ZNF549: variants seen among roughly 807,000 people sequenced by gnomAD.
ZNF549 encodes the protein zinc finger protein 549.
Under a neutral mutation model 11.1 loss-of-function variants are expected in ZNF549, and 11 were observed. The observed-to-expected ratio is 0.99, with a 90% CI of 0.62 to 1.64. ZNF549 has a LOEUF of 1.64. Ranked by LOEUF, ZNF549 falls within the 40% of genes most tolerant of loss-of-function variation. ZNF549 has a pLI of 0.00. For missense variants in ZNF549, 748 were observed against 765.1 expected (o/e 0.98, Z 0.26); for synonymous variants, 266 against 269.1 (o/e 0.99, Z 0.11).
Position 57,538,874 on chromosome 19 carries a change from A to G in ZNF549, c.1870A>G (p.Lys624Glu), listed in dbSNP as rs1422505204. ...TGGTAAATGTGGGAAAGCCTTCAAC[A>G]AAAGATATTCCCTTGTCAGGCACCA... ...ECGKCGKAFN[K>E]RYSLVRHQKV... The change falls in exon 4 of 4, where the codon AAA becomes GAA. Residue 624 changes from lysine (K) to glutamate (E), a missense_variant. Physicochemically the swap from Lys to Glu is moderately conservative, Grantham distance 56 (BLOSUM62 1). Transcript: ENST00000376233. The G allele has an allele frequency of 2.5e-6, 4 of 1,611,072 alleles. No homozygotes were observed. The highest frequency in any genetic ancestry group is 4.5e-5 in the East Asian group (2 of 44,890).
rs2123320673 is a variant in ZNF549 at position 57,539,411 on chromosome 19, A to G, written c.*484A>G. 1 of 156,608 alleles carries G rather than the reference A, an allele frequency of 6.4e-6. No individual in the cohort carries two copies. The allele number at this position is 156,608 out of a possible 1,614,324, so 9.7% of individuals were successfully genotyped here. A position where few individuals can be genotyped will look rare whatever the true frequency, so the allele number is the denominator to read the frequency against. ...CCCTCTCCCACATTACCCAAGAGGG[A>G]AATGGGCTGTCTTACCATGTGCTGA... On this transcript the variant is annotated 3_prime_UTR_variant, in exon 4 of 4. Coordinates refer to ENST00000376233, the MANE Select transcript of ZNF549 (RefSeq NM_001199295.2).
rs369066251 is a variant in ZNF549, at chr19:57,537,412, C to T, written c.408C>T (p.Ala136=). Residue 136 remains alanine (A), a synonymous_variant, in exon 4 of 4, where the codon GCC becomes GCT. Transcript: ENST00000376233. The part of the protein sequence containing the change: ...LPWQKPYTSV[A]SGKWFSFGSN... ...GGCAGAAACCTTATACGTCTGTGGC[C>T]AGTGGGAAATGGTTTTCATTTGGTT... The T allele has an allele frequency of 1.2e-6, 2 of 1,614,088 alleles. No individual in the cohort carries two copies. The highest frequency in any genetic ancestry group is 2.7e-5 in the African/African-American group (2 of 74,924).
At chr19:57,536,401 G>A (rs1000903663) in intron 3 of ZNF549, among the ~76,000 whole-genome samples, 9 of 152,166 alleles carry the variant, frequency 5.9e-5, no homozygotes, top group African/African-American at 1.4e-4. Context: ...TACACACTGC[G>A]TATCACTAGC....
chr19:57,530,192 A>T, intron 1 of ZNF549, among the ~76,000 whole-genome samples: 1 of 152,186 alleles, frequency 6.6e-6, no homozygotes, highest in Non-Finnish European at 1.5e-5. Context: ...TGATTATAGA[A>T]TTTGAACTTT....
chr19:57,538,027 C>A lies in ZNF549; in HGVS notation c.1023C>A (p.Phe341Leu), dbSNP rs142813145. The A allele has an allele frequency of 3.1e-6, 5 of 1,613,374 alleles. No individual in the cohort carries two copies. Among genetic ancestry groups the A allele is most frequent in the Non-Finnish European group, 4.2e-6 (5 of 1,179,878 alleles). The stretch of plus-strand genomic sequence containing the variant: ...TGTGCAATGTATGTGGGAAATCATT[C>A]CGCCACAAACAAACATTTGTTGGCC... Reference protein sequence around the residue: ...PYVCNVCGKSFRHKQTFVGHQ... With the variant: ...PYVCNVCGKSLRHKQTFVGHQ... The change falls in exon 4 of 4, where the codon TTC becomes TTA. Residue 341 changes from phenylalanine to leucine, a missense_variant. Physicochemically the swap from Phe to Leu is conservative, Grantham distance 22 (BLOSUM62 0). Transcript: ENST00000376233.
rs759545997 is a variant in ZNF549, at chr19:57,538,704, G to C, written c.1700G>C (p.Arg567Thr). Residue 567 changes from arginine to threonine, a missense_variant, in exon 4 of 4, where the codon AGA becomes ACA. Transcript: ENST00000376233. ...TGCAGTGAATGTGGGAAATGCTTTA[G>C]ACACCGCACCAGCCTCATTCAACAC... is the stretch of plus-strand genomic sequence containing the variant. ...CECSECGKCF[R>T]HRTSLIQHQK... The C allele has an allele frequency of 1.2e-5, 19 of 1,614,172 alleles. No homozygotes were observed. The highest frequency in any genetic ancestry group is 1.4e-5 in the Non-Finnish European group (17 of 1,180,012).
rs1253640813 is a variant in ZNF549, at chr19:57,537,353, T to C, written c.349T>C (p.Leu117=). Residue 117 remains leucine, a synonymous_variant, in exon 4 of 4, where the codon TTG becomes CTG. Coordinates refer to ENST00000376233, the MANE Select transcript of ZNF549 (RefSeq NM_001199295.2). ...GTGTATCCTGGTCATGAAAGACATT[T>C]TGTACCTCAGTGAGCATCAGGGGAC... The part of the protein sequence containing the change: ...EMCILVMKDI[L]YLSEHQGTLP... 2 of 1,614,186 alleles carry C rather than the reference T, an allele frequency of 1.2e-6. No homozygotes were observed. Among genetic ancestry groups the C allele is most frequent in the Admixed American group, 1.7e-5 (1 of 60,020 alleles).
In ZNF549 at chr19:57,537,683, G is replaced by A; in HGVS notation, c.679G>A (p.Val227Ile). 6.2e-7 allele frequency: 1 copy of A among 1,614,194 alleles called. No individual in the cohort carries two copies. Among genetic ancestry groups the A allele is most frequent in the Non-Finnish European group, 8.5e-7 (1 of 1,180,044 alleles). Reference protein sequence around the residue: ...FQQRRYKCEQVFNEKVHVTEH... With the variant: ...FQQRRYKCEQIFNEKVHVTEH... ...ACAAAGACGTTACAAATGTGAGCAA[G>A]TTTTCAATGAGAAAGTTCATGTTAC... The change falls in exon 4 of 4, where the codon GTT (valine) becomes ATT (isoleucine). Residue 227 changes from valine to isoleucine, a missense_variant. Val to Ile is a conservative substitution (Grantham distance 29). Coordinates refer to ENST00000376233, the MANE Select transcript of ZNF549 (RefSeq NM_001199295.2).
intron 2 of ZNF549, among the ~76,000 whole-genome samples, 164 bp downstream of exon 2, chr19:57,531,272 C>T (rs965831246): frequency 1.3e-5 from 2 of 152,192 alleles, no homozygotes; most frequent in Non-Finnish European, 2.9e-5. Flanking sequence ...AGGAGTTATA[C>T]AGAGATGTTC....
rs1390873995 is a variant in ZNF549, at chr19:57,540,751, C to T, written c.*1824C>T. On this transcript the variant is annotated 3_prime_UTR_variant, in exon 4 of 4. Transcript: ENST00000376233. The stretch of plus-strand genomic sequence containing the variant: ...CTCCAGCCTGGGCGACAGAGTGACA[C>T]TTCTCAAAAAACAAAAACAAAAACA... 6.6e-6 allele frequency: 1 copy of T among 152,044 alleles called. No individual in the cohort carries two copies. Among genetic ancestry groups the T allele is most frequent in the African/African-American group, 2.4e-5 (1 of 41,396 alleles). 9.4% of individuals were successfully genotyped at this position (152,044 alleles called of 1,614,324 possible). A position where few individuals can be genotyped will look rare whatever the true frequency, so the allele number is the denominator to read the frequency against.
chr19:57,528,629 C>G (rs905263104), intron 1 of ZNF549, among the ~76,000 whole-genome samples: 1 of 152,164 alleles, frequency 6.6e-6, no homozygotes, highest in African/African-American at 2.4e-5. Flanking sequence ...GGAATACACA[C>G]TGCATAGGAT....
intron 2 of ZNF549, among the ~76,000 whole-genome samples, chr19:57,533,070 C>G (rs1467095420): frequency 6.6e-6 from 1 of 152,180 alleles, no homozygotes; most frequent in African/African-American, 2.4e-5. Flanking sequence ...ATCTCGAACT[C>G]CTGACCTCAG....
intron 2 of ZNF549, among the ~76,000 whole-genome samples, chr19:57,533,694 A>G (rs1423807776): frequency 6.6e-6 from 1 of 152,218 alleles, no homozygotes. Flanking sequence ...TTCCTAACCT[A>G]GCACTGGTTT....
rs1432452961 is a variant in ZNF549, at chr19:57,537,475, G to T, written c.471G>T (p.Glu157Asp). 1.9e-6 allele frequency: 3 copies of T among 1,614,210 alleles called. No homozygotes were observed. The highest frequency in any genetic ancestry group is 3.3e-5 in the Admixed American group (2 of 60,020). Residue 157 changes from glutamate (E) to aspartate (D), a missense_variant, in exon 4 of 4, where the codon GAG (glutamate) becomes GAT (aspartate). Physicochemically the swap from Glu to Asp is conservative, Grantham distance 45. Coordinates refer to ENST00000376233, the MANE Select transcript of ZNF549 (RefSeq NM_001199295.2). ...AGCACCAGAACCAGGACAGTGGAGA[G>T]AAACACATCAGAAAGGAGGAGAGCA... is the stretch of plus-strand genomic sequence containing the variant. ...LQQHQNQDSGEKHIRKEESSA... is the reference protein window; with the variant it reads ...LQQHQNQDSGDKHIRKEESSA...
rs1390386215 is a variant in ZNF549, at chr19:57,538,885, C to T, written c.1881C>T (p.Ser627=). Residue 627 remains serine, a synonymous_variant, in exon 4 of 4, where the codon TCC becomes TCT. Coordinates refer to ENST00000376233, the MANE Select transcript of ZNF549 (RefSeq NM_001199295.2). ...KCGKAFNKRY[S]LVRHQKVHIT... ...GGAAAGCCTTCAACAAAAGATATTCCCTTGTCAGGCACCAGAAGGTACATA... is the reference window on the plus strand; with the variant it reads ...GGAAAGCCTTCAACAAAAGATATTCTCTTGTCAGGCACCAGAAGGTACATA... 1 of 1,608,538 alleles carries T rather than the reference C, an allele frequency of 6.2e-7. No individual in the cohort carries two copies. The highest frequency in any genetic ancestry group is 8.5e-7 in the Non-Finnish European group (1 of 1,179,912).
At position 57,539,241 on chromosome 19, in the gene ZNF549, T is replaced by C; in HGVS notation, c.*314T>C. 4.1e-6 allele frequency: 1 copy of C among 245,812 alleles called. No homozygotes were observed. The highest frequency in any genetic ancestry group is 7.9e-6 in the Non-Finnish European group (1 of 126,034). 15.2% of individuals were successfully genotyped at this position (245,812 alleles called of 1,614,324 possible). On this transcript the variant is annotated 3_prime_UTR_variant, in exon 4 of 4. Coordinates refer to ENST00000376233, the MANE Select transcript of ZNF549 (RefSeq NM_001199295.2). ...TAATATAATAAAAGCCTGTTGAGGG[T>C]CCTCTTCCATCTTGCTGAACTGTTC...
At chr19:57,532,134 G>A (rs897362096) in intron 2 of ZNF549, among the ~76,000 whole-genome samples, 1 of 152,136 alleles carries the variant, frequency 6.6e-6, no homozygotes, top group South Asian at 2.1e-4. Flanking sequence ...GGATTTGCCA[G>A]CTCTCTTTCC....
chr19:57,530,732 C>G (rs527540980), intron 1 of ZNF549, among the ~76,000 whole-genome samples: 1 of 151,970 alleles, frequency 6.6e-6, no homozygotes, highest in African/African-American at 2.4e-5. Context: ...TATTTATTAT[C>G]AAAGAAGCAC....
At chr19:57,531,769 A>G (rs2089905203) in intron 2 of ZNF549, among the ~76,000 whole-genome samples, 1 of 152,222 alleles carries the variant, frequency 6.6e-6, no homozygotes, top group African/African-American at 2.4e-5. Flanking sequence ...CAAACGGATG[A>G]TTCACGTCTT....
Sources: gnomAD v4.1 joint callset for allele counts (sites outside exome capture counted in the v4.1 genomes callset) on GRCh38, gnomAD v4.1.1 for gene constraint, MANE v1.5 for transcripts, NCBI Gene and HGNC (gene_info 2026-07-23, HGNC 2026-07-21) for gene names.